CUX1: variants seen among roughly 807,000 people sequenced by gnomAD.
CUX1 encodes protein CASP.
Under a neutral mutation model 158.8 loss-of-function variants are expected in CUX1, and 31 were observed. The ratio of observed to expected loss-of-function variants is 0.20; its 90% CI spans 0.15 to 0.26. CUX1 has a LOEUF of 0.26. Among genes scored for constraint, CUX1 ranks in the 10% least tolerant of loss-of-function variants. The pLI is 1.00. For synonymous variants in CUX1, 879 were observed against 862.1 expected (o/e 1.02, Z -0.34); for missense variants, 1,589 against 2,014.6 (o/e 0.79, Z 4.04).
chr7:102,275,107 A>T, intron 16 of CUX1: 2 of 628,710 alleles, frequency 3.2e-6, no homozygotes, highest in South Asian at 3.9e-5. Context: ...CCTGCCCAGC[A>T]CCAGGGAGTC....
At chr7:101,988,245 G>A (rs898340759) in intron 2 of CUX1, among the ~76,000 whole-genome samples, 3 of 151,930 alleles carry the variant, frequency 2.0e-5, no homozygotes, top group Non-Finnish European at 4.4e-5. Flanking sequence ...TTCTCCGTGA[G>A]TCAGCCCCGG....
At chr7:102,183,096 G>A (rs1793275546) in intron 11 of CUX1, among the ~76,000 whole-genome samples, 1 of 152,070 alleles carries the variant, frequency 6.6e-6, no homozygotes, top group South Asian at 2.1e-4. Flanking sequence ...GTATAAAAGA[G>A]GTGGTATAAA....
At chr7:101,878,694 A>T (rs1200916363) in intron 1 of CUX1, among the ~76,000 whole-genome samples, 1 of 151,828 alleles carries the variant, frequency 6.6e-6, no homozygotes, top group Non-Finnish European at 1.5e-5. Context: ...TTTTTTTAAG[A>T]GACAGAGTTT....
rs568730323 is a variant in CUX1 at position 102,038,519 on chromosome 7, C to T, written c.189+10374C>T. Reference sequence around the variant, plus strand: ...AATAACTCATCTGCAAGTTATTCCTCCTGACCAAGTTGGCTAAAATTAAAA... The same window carrying T: ...AATAACTCATCTGCAAGTTATTCCTTCTGACCAAGTTGGCTAAAATTAAAA... On this transcript the variant is annotated intron_variant, in intron 3 of 23. Coordinates refer to ENST00000292535, the MANE Select transcript of CUX1 (RefSeq NM_181552.4). Among the ~76,000 whole-genome samples the T allele has an allele frequency of 9.2e-5, 14 of 152,298 alleles. No individual in the cohort carries two copies. The South Asian group carries it at 2.7e-3, about 29-fold the overall frequency.
At chr7:102,155,613 T>C (rs1452283082) in intron 8 of CUX1, among the ~76,000 whole-genome samples, 1 of 152,182 alleles carries the variant, frequency 6.6e-6, no homozygotes, top group Non-Finnish European at 1.5e-5. Context: ...AAGCTTTTAT[T>C]TTGTGTCTGA....
chr7:102,240,877 G>A (rs1406421941), intron 23 of CUX1, among the ~76,000 whole-genome samples: 1 of 152,168 alleles, frequency 6.6e-6, no homozygotes, highest in Non-Finnish European at 1.5e-5. Context: ...TTGGAGTGCA[G>A]TGGCACGATC....
At chr7:102,085,334 C>T (rs1018037700) in intron 4 of CUX1, among the ~76,000 whole-genome samples, 28 of 152,098 alleles carry the variant, frequency 1.8e-4, no homozygotes, top group East Asian at 1.9e-4. Context: ...TTATGAGGAA[C>T]GATATGGTTT....
intron 4 of CUX1, among the ~76,000 whole-genome samples, chr7:102,071,887 A>G (rs748250308): frequency 7.9e-5 from 12 of 152,206 alleles, no homozygotes; most frequent in Non-Finnish European, 1.5e-4. Context: ...CTAATCGTAG[A>G]GAATGGTTTG....
At position 102,251,199 on chromosome 7, in the gene CUX1, G is replaced by C. The variant is rs565314695; in HGVS notation, c.*2157G>C. The C allele has an allele frequency of 1.5e-5, 15 of 978,098 alleles. No individual in the cohort carries two copies. The East Asian group carries it at 1.6e-3, about 105-fold the overall frequency. 60.6% of individuals were successfully genotyped at this position (978,098 alleles called of 1,614,324 possible). On this transcript the variant is annotated 3_prime_UTR_variant, in exon 24 of 24. Transcript: ENST00000292535. ...CATCTTTGGATGACATTTTAATGGTGCATTCATTATTTCTTAAGTTTAATT... is the reference window on the plus strand; with the variant it reads ...CATCTTTGGATGACATTTTAATGGTCCATTCATTATTTCTTAAGTTTAATT...
At chr7:102,170,704 G>A (rs760383181) in intron 10 of CUX1, among the ~76,000 whole-genome samples, 154 bp downstream of exon 10, 2 of 151,962 alleles carry the variant, frequency 1.3e-5, no homozygotes, top group Non-Finnish European at 1.5e-5. Flanking sequence ...TGACCAATTG[G>A]GGGCCGGAGC....
intron 1 of CUX1, among the ~76,000 whole-genome samples, chr7:101,841,901 G>A (rs1331402889): frequency 2.0e-5 from 3 of 151,984 alleles, no homozygotes; most frequent in African/African-American, 7.2e-5. Context: ...TTCTTGTTTT[G>A]GATAAATCTA....
intron 20 of CUX1, among the ~76,000 whole-genome samples, chr7:102,225,795 C>A (rs187903504): frequency 1.6e-3 from 247 of 152,352 alleles, no homozygotes; most frequent in African/African-American, 5.6e-3. Flanking sequence ...TTTGAATCAG[C>A]CAGGGCAACC....
At chr7:101,978,682 C>T (rs1020954200) in intron 2 of CUX1, among the ~76,000 whole-genome samples, 5 of 152,250 alleles carry the variant, frequency 3.3e-5, no homozygotes, top group Admixed American at 2.6e-4. Flanking sequence ...TGGGCCACGG[C>T]CCCTCTAGCC....
intron 9 of CUX1, among the ~76,000 whole-genome samples, chr7:102,168,630 C>T (rs1309265265): frequency 8.2e-6 from 1 of 121,642 alleles, no homozygotes; most frequent in African/African-American, 3.4e-5. Context: ...GGCGACAGAG[C>T]GAGGCTCTGT....
intron 2 of CUX1, among the ~76,000 whole-genome samples, chr7:102,009,939 G>A (rs966108763): frequency 2.6e-5 from 4 of 152,186 alleles, no homozygotes; most frequent in Non-Finnish European, 5.9e-5. Context: ...TCCCTGGTTG[G>A]TACATGTTAA....
chr7:102,032,342 G>A (rs552954840), intron 3 of CUX1, among the ~76,000 whole-genome samples: 63 of 152,070 alleles, frequency 4.1e-4, no homozygotes, highest in Non-Finnish European at 8.2e-4. Flanking sequence ...CAGGAGGATC[G>A]CTTGAGCCCA....
chr7:102,277,322 G>A (rs947499849), intron 17 of CUX1, among the ~76,000 whole-genome samples: 8 of 151,996 alleles, frequency 5.3e-5, no homozygotes, highest in South Asian at 4.2e-4. Context: ...GGGGCCAGGC[G>A]CAGCAGCTCA....
At chr7:102,199,149 C>T (rs782762456) in intron 16 of CUX1, among the ~76,000 whole-genome samples, 9 of 152,114 alleles carry the variant, frequency 5.9e-5, no homozygotes, top group Non-Finnish European at 8.8e-5. Context: ...ATTACCCGGT[C>T]CCCCGTTTTT....
At chr7:101,892,806 G>A (rs560502218) in intron 1 of CUX1, among the ~76,000 whole-genome samples, 1 of 152,002 alleles carries the variant, frequency 6.6e-6, no homozygotes, top group South Asian at 2.1e-4. Context: ...ACCATTAAAG[G>A]GCCTAAAACT....
Sources: allele counts gnomAD v4.1 joint callset (sites outside exome capture counted in the v4.1 genomes callset), GRCh38; gene constraint gnomAD v4.1.1; transcripts MANE v1.5; gene names NCBI Gene and HGNC (gene_info 2026-07-23, HGNC 2026-07-21).